The following PDXDC1 variants were observed in gnomAD, a reference collection of about 807,000 sequenced individuals.
PDXDC1 encodes the protein pyridoxal dependent decarboxylase domain containing 1.
PDXDC1 carries 42 observed loss-of-function variants against 100.1 expected under a neutral mutation model. The observed-to-expected ratio is 0.42, with a 90% CI of 0.33 to 0.54. The LOEUF (loss-of-function observed/expected upper bound fraction) is 0.54. Ranked by LOEUF, PDXDC1 falls within the 20% of genes least tolerant of loss-of-function variation. PDXDC1 has a pLI of 0.10. For missense variants in PDXDC1, 636 were observed against 979.2 expected (o/e 0.65, Z 4.68); for synonymous variants, 260 against 371.7 (o/e 0.70, Z 3.46).
chr16:15,035,351 AAGG>A lies in PDXDC1; in HGVS notation c.2003-94_2003-92del, dbSNP rs567682397. The A allele has an allele frequency of 2.0e-3, 1,156 of 584,896 alleles. 11 individuals are homozygous for A. Among genetic ancestry groups the A allele is most frequent in the South Asian group, 4.1e-3 (161 of 39,464 alleles). 36.2% of individuals were successfully genotyped at this position (584,896 alleles called of 1,614,324 possible). On this transcript the variant is annotated intron_variant, in intron 21 of 22. Transcript: ENST00000396410. ...AGTCTGTGGCAGGCTCAGTGGCTGG[AAGG>A]AGGTTATTGGGGAGCAAGGCTGTGT...
At chr16:15,043,189 C>T (rs570603006), downstream of PDXDC1, among the ~76,000 whole-genome samples, 7 of 152,116 alleles carry the variant, frequency 4.6e-5, no homozygotes, top group East Asian at 1.9e-4. Context: ...CATGAGCCAC[C>T]GCACCCGGCC....
chr16:15,029,025 G>A (rs561563610), intron 15 of PDXDC1, 59 bp downstream of exon 15: 10 of 1,558,850 alleles, frequency 6.4e-6, no homozygotes, highest in Non-Finnish European at 7.9e-6. Flanking sequence ...CATCCGACCT[G>A]CTGGTGAGGG....
At chr16:15,052,024 G>C (rs560830772) in intron 16 of PDXDC1, among the ~76,000 whole-genome samples, 1 of 151,016 alleles carries the variant, frequency 6.6e-6, no homozygotes, top group East Asian at 1.9e-4. Context: ...AAAAAAAAAA[G>C]CTTTTCCCTC....
intron 16 of PDXDC1, among the ~76,000 whole-genome samples, chr16:15,062,095 C>T (rs1006874424): frequency 2.0e-5 from 3 of 152,154 alleles, no homozygotes; most frequent in African/African-American, 4.8e-5. Flanking sequence ...GGGAGGACTG[C>T]TTGAGCTCAA....
At chr16:15,127,004 T>A (rs1453899811) in intron 16 of PDXDC1, 1 of 340,514 alleles carries the variant, frequency 2.9e-6, no homozygotes, top group Non-Finnish European at 5.7e-6. Context: ...TTGCCCAGGC[T>A]GGTCTCAAAC....
At chr16:15,111,283 G>C (rs2047048292) in intron 16 of PDXDC1, among the ~76,000 whole-genome samples, 1 of 145,758 alleles carries the variant, frequency 6.9e-6, no homozygotes, top group Non-Finnish European at 1.5e-5. Context: ...ATGGAGAAAC[G>C]CTGTCTCTGC....
intron 16 of PDXDC1, among the ~76,000 whole-genome samples, chr16:15,083,200 A>C (rs1478294245): frequency 2.0e-5 from 3 of 152,206 alleles, no homozygotes; most frequent in Non-Finnish European, 4.4e-5. Context: ...GGCGTTCGAT[A>C]CCAGTGTGGC....
the PDXDC1 span, among the ~76,000 whole-genome samples, chr16:15,151,448 A>AG: frequency 1.0e-5 from 1 of 96,534 alleles, no homozygotes; most frequent in Non-Finnish European, 2.2e-5. Flanking sequence ...AAAAAAAAAA[A>AG]AAAAAGACAT....
At chr16:15,131,994 GATAAGGGAGGGGAAGGGGGATAAGGGGAT>G (rs1378534033) in intron 16 of PDXDC1, among the ~76,000 whole-genome samples, 1 of 4,946 alleles carries the variant, frequency 2.0e-4, no homozygotes, top group Non-Finnish European at 4.7e-4. Context: ...GGAGCAGGGG[GATAAGGGAGGGGAAGGGGGATAAGGGGAT>G]AAGGGAGGGG....
chr16:15,079,957 A>C (rs1178705305), intron 16 of PDXDC1: 1 of 1,535,936 alleles, frequency 6.5e-7, no homozygotes, highest in East Asian at 2.3e-5. Context: ...AACAAATTCA[A>C]GTCAGTAAAT....
chr16:15,087,767 A>G (rs1362170055), intron 16 of PDXDC1, among the ~76,000 whole-genome samples: 1 of 152,172 alleles, frequency 6.6e-6, no homozygotes, highest in Non-Finnish European at 1.5e-5. Context: ...TCTCTTTTCC[A>G]CTAAAAAGAC....
chr16:15,129,754 G>T (rs575439645), intron 16 of PDXDC1: 23 of 635,226 alleles, frequency 3.6e-5, no homozygotes, highest in Non-Finnish European at 5.4e-5. Flanking sequence ...ATGAACACAC[G>T]AGCCCTTCAC....
intron 1 of PDXDC1, chr16:14,988,231 G>T: frequency 1.2e-6 from 2 of 1,613,458 alleles, no homozygotes; most frequent in Non-Finnish European, 1.7e-6. Context: ...TGTGCAAATG[G>T]TGGCTGAAAG....
chr16:15,057,248 A>G (rs1179530326), intron 16 of PDXDC1, among the ~76,000 whole-genome samples: 1 of 152,162 alleles, frequency 6.6e-6, no homozygotes, highest in African/African-American at 2.4e-5. Context: ...TCGCCAGGTT[A>G]CCCAACTTCT....
chr16:15,032,625 G>A, intron 17 of PDXDC1: 2 of 380,736 alleles, frequency 5.3e-6, no homozygotes, highest in Middle Eastern at 7.3e-4. Context: ...CTGCACCCCA[G>A]CCTGGGCCAC....
At chr16:15,077,057 G>A (rs967820153) in intron 16 of PDXDC1, among the ~76,000 whole-genome samples, 2 of 149,348 alleles carry the variant, frequency 1.3e-5, no homozygotes, top group African/African-American at 2.5e-5. Flanking sequence ...TCGGCTCACC[G>A]CAAACTCCGC....
chr16:15,096,765 C>T (rs1016984869), intron 16 of PDXDC1, among the ~76,000 whole-genome samples: 9 of 152,264 alleles, frequency 5.9e-5, no homozygotes, highest in Non-Finnish European at 1.3e-4. Flanking sequence ...TCGTTGCAGC[C>T]TCGGGCTCCT....
chr16:15,057,465 G>C (rs2044568201), intron 16 of PDXDC1, among the ~76,000 whole-genome samples: 1 of 152,206 alleles, frequency 6.6e-6, no homozygotes, highest in African/African-American at 2.4e-5. Flanking sequence ...GTAGTAGAAC[G>C]AAGACTGAAC....
intron 12 of PDXDC1, among the ~76,000 whole-genome samples, chr16:15,019,667 C>T (rs1317411217): frequency 6.6e-6 from 1 of 152,272 alleles, no homozygotes; most frequent in Non-Finnish European, 1.5e-5. Context: ...GAGCACAGTC[C>T]CTTGAGCCTC....
Sources: gnomAD v4.1 joint callset for allele counts (sites outside exome capture counted in the v4.1 genomes callset) on GRCh38, gnomAD v4.1.1 for gene constraint, MANE v1.5 for transcripts, NCBI Gene and HGNC (gene_info 2026-07-23, HGNC 2026-07-21) for gene names.